ZNF823: variants seen among roughly 807,000 people sequenced by gnomAD.
The protein encoded by ZNF823 is ZFP 36 for a zinc finger protein.
In ZNF823, 5 loss-of-function variants were observed where a neutral mutation model predicts 11.4. The ratio of observed to expected loss-of-function variants is 0.44; its 90% CI spans 0.23 to 0.92. The LOEUF (loss-of-function observed/expected upper bound fraction) is 0.92, where lower values mean the gene tolerates loss of function less well. ZNF823 is among the 40% of genes least tolerant of loss of function. The pLI, the probability that ZNF823 is intolerant of heterozygous loss-of-function variation, is 0.24. For missense variants in ZNF823, 582 were observed against 738.5 expected (o/e 0.79, Z 2.46); for synonymous variants, 234 against 250.5 (o/e 0.93, Z 0.62).
rs199559097 is a variant in ZNF823 at position 11,736,912 on chromosome 19, GAAGAA to G, written c.3+1900_3+1904del. ...CCCAGGGAATGGAAACTGGGGTGGG[GAAGAA>G]AAGCTGAATGTCTTAAGGGCTTTGC... On this transcript the variant is annotated intron_variant, in intron 1 of 3. Coordinates refer to ENST00000341191, the MANE Select transcript of ZNF823 (RefSeq NM_001080493.4). Among the ~76,000 whole-genome samples the G allele has an allele frequency of 5.6e-3, 849 of 152,338 alleles. 13 individuals carry two copies. The highest frequency in any genetic ancestry group is 0.019 in the African/African-American group (793 of 41,574).
In ZNF823 at chr19:11,722,819, C is replaced by G; in HGVS notation, c.715G>C (p.Glu239Gln). 6.2e-7 allele frequency: 1 copy of G among 1,614,004 alleles called. No individual in the cohort carries two copies. Among genetic ancestry groups the G allele is most frequent in the East Asian group, 2.2e-5 (1 of 44,856 alleles). Reference protein sequence around the residue: ...FPFYSSYLRHERIHTGEKAYE... With the variant: ...FPFYSSYLRHQRIHTGEKAYE... ...GCTTTCTCTCCCGTGTGGATTCTTT[C>G]ATGTCTTAGATAGGAACTGTAAAAA... is the stretch of plus-strand genomic sequence containing the variant. Residue 239 changes from glutamate (E) to glutamine (Q), a missense_variant, in exon 4 of 4, where the codon GAA (glutamate) becomes CAA (glutamine). By Grantham distance (29) the Glu-to-Gln change is conservative. Coordinates refer to ENST00000341191, the MANE Select transcript of ZNF823 (RefSeq NM_001080493.4). The surrounding 1 kb of genome is among the most constrained non-coding windows in gnomAD (Gnocchi z 5.2).
At chr19:11,731,878 G>A (rs1599707422) in intron 1 of ZNF823, among the ~76,000 whole-genome samples, 1 of 151,920 alleles carries the variant, frequency 6.6e-6, no homozygotes, top group African/African-American at 2.4e-5. Context: ...GCATGGTGGC[G>A]CATGCCTGTA....
chr19:11,728,932 G>A (rs948181770), intron 1 of ZNF823, among the ~76,000 whole-genome samples: 1 of 152,170 alleles, frequency 6.6e-6, no homozygotes, highest in African/African-American at 2.4e-5. Context: ...CAGCATTTTG[G>A]AATGCTGAGG....
rs565590217 is a variant in ZNF823 at position 11,723,681 on chromosome 19, G to T, written c.192-339C>A. Among the ~76,000 whole-genome samples, 12 of 152,308 alleles carry T rather than the reference G, an allele frequency of 7.9e-5. No homozygotes were observed. The South Asian group carries it at 2.5e-3, about 32-fold the overall frequency. On this transcript the variant is annotated intron_variant, in intron 3 of 3. Transcript: ENST00000341191. ...CTGCCTCAGCCTCCCAAGTAGCTGGGATTACAGGCATGCGCCACCACGCCC... is the reference window on the plus strand; with the variant it reads ...CTGCCTCAGCCTCCCAAGTAGCTGGTATTACAGGCATGCGCCACCACGCCC...
chr19:11,727,545 AAAAG>A (rs1182791894), intron 1 of ZNF823, among the ~76,000 whole-genome samples: 1 of 152,066 alleles, frequency 6.6e-6, no homozygotes, highest in Non-Finnish European at 1.5e-5. Context: ...TAACAACAAA[AAAAG>A]AAACCGCCCA....
chr19:11,738,451 C>T (rs1368682801), intron 1 of ZNF823, among the ~76,000 whole-genome samples: 2 of 152,258 alleles, frequency 1.3e-5, no homozygotes, highest in Non-Finnish European at 2.9e-5. Context: ...TCCCCTCTCC[C>T]CCATTAAACT....
intron 1 of ZNF823, among the ~76,000 whole-genome samples, chr19:11,732,169 C>CTTTTTTTTTTTTTTTTTT (rs1170787951): frequency 7.4e-6 from 1 of 135,580 alleles, no homozygotes; most frequent in Non-Finnish European, 1.6e-5. Context: ...AAAGGTTTCC[C>CTTTTTTTTTTTTTTTTTT]TTTTTTTTTT....
rs530309473 is a variant in ZNF823, at chr19:11,723,758, T to C, written c.192-416A>G. Among the ~76,000 whole-genome samples, 20 of 152,312 alleles carry C rather than the reference T, an allele frequency of 1.3e-4. No homozygotes were observed. In the East Asian group the frequency reaches 3.9e-3, roughly 29 times the overall value. On this transcript the variant is annotated intron_variant, in intron 3 of 3. Coordinates refer to ENST00000341191, the MANE Select transcript of ZNF823 (RefSeq NM_001080493.4). Reference sequence around the variant, plus strand: ...CAGGGTTTCTCCATGTTGGCCAGGCTGGTCTTGAACTCCCGACCTCAGGTG... The same window carrying C: ...CAGGGTTTCTCCATGTTGGCCAGGCCGGTCTTGAACTCCCGACCTCAGGTG...
chr19:11,734,757 T>C (rs546115426), intron 1 of ZNF823, among the ~76,000 whole-genome samples: 15 of 152,224 alleles, frequency 9.9e-5, no homozygotes, highest in African/African-American at 3.1e-4. Flanking sequence ...CAGGCTGGTC[T>C]TGAACTCTTG....
rs749020713 is a variant in ZNF823 at position 11,722,234 on chromosome 19, G to A, written c.1300C>T (p.His434Tyr). Residue 434 changes from histidine to tyrosine, a missense_variant, in exon 4 of 4, where the codon CAT becomes TAT. Physicochemically the swap from His to Tyr is moderately conservative, Grantham distance 83. This residue lies in a region of ZNF823 where 429 missense variants were observed against 553.7 expected (regional missense o/e 0.77). Coordinates refer to ENST00000341191, the MANE Select transcript of ZNF823 (RefSeq NM_001080493.4). The surrounding 1 kb of genome is among the most constrained non-coding windows in gnomAD (Gnocchi z 5.2). Reference sequence around the variant, plus strand: ...TTCACTCCAGTGTGAGTTGCTTCATGTCTTCGAAGGGAACCGGCAAGACTG... The same window carrying A: ...TTCACTCCAGTGTGAGTTGCTTCATATCTTCGAAGGGAACCGGCAAGACTG... ...AFSLAGSLRR[H>Y]EATHTGVKPY... 2 of 1,614,072 alleles carry A rather than the reference G, an allele frequency of 1.2e-6. No individual in the cohort carries two copies. Among genetic ancestry groups the A allele is most frequent in the South Asian group, 2.2e-5 (2 of 91,084 alleles).
intron 1 of ZNF823, chr19:11,725,821 A>G (rs1426041827): frequency 6.4e-6 from 1 of 156,170 alleles, no homozygotes; most frequent in African/African-American, 2.4e-5. Flanking sequence ...GGGGCCAGGC[A>G]TGGTGACTTA....
At chr19:11,724,387 G>T in intron 2 of ZNF823, 133 bp from the exon 3 acceptor site, 1 of 739,652 alleles carries the variant, frequency 1.4e-6, no homozygotes, top group Non-Finnish European at 2.1e-6. Context: ...ACACAGGTTT[G>T]AACTGCACAG....
intron 1 of ZNF823, among the ~76,000 whole-genome samples, chr19:11,726,561 C>T (rs1315892885): frequency 6.6e-6 from 1 of 151,782 alleles, no homozygotes; most frequent in Non-Finnish European, 1.5e-5. Context: ...AGGAGTAGGC[C>T]TAGTGTCCTT....
intron 1 of ZNF823, among the ~76,000 whole-genome samples, chr19:11,736,781 T>C (rs1369916257): frequency 6.6e-6 from 1 of 152,162 alleles, no homozygotes; most frequent in African/African-American, 2.4e-5. Flanking sequence ...TCTTATCACT[T>C]GGGACATCTC....
intron 1 of ZNF823, among the ~76,000 whole-genome samples, chr19:11,731,788 T>C (rs1974899250): frequency 6.6e-6 from 1 of 152,124 alleles, no homozygotes; most frequent in Non-Finnish European, 1.5e-5. Context: ...GGCAGGTGGA[T>C]CACCTGAGGT....
chr19:11,733,545 A>C (rs1345848249), intron 1 of ZNF823, among the ~76,000 whole-genome samples: 1 of 151,862 alleles, frequency 6.6e-6, no homozygotes, highest in Non-Finnish European at 1.5e-5. Context: ...CAAAAAATAC[A>C]AAAATTGGCT....
rs751132304 is a variant in ZNF823, at chr19:11,722,287, T to C, written c.1247A>G (p.Tyr416Cys). The change falls in exon 4 of 4, where the codon TAT (tyrosine) becomes TGT (cysteine). Residue 416 changes from tyrosine (Y) to cysteine (C), a missense_variant. Physicochemically the swap from Tyr to Cys is radical, Grantham distance 194. This residue lies in a region of ZNF823 where 429 missense variants were observed against 553.7 expected (regional missense o/e 0.77). Transcript: ENST00000341191. The surrounding 1 kb of genome is among the most constrained non-coding windows in gnomAD (Gnocchi z 5.2). Reference protein sequence around the residue: ...HERTHTGEKPYQCKQCGKAFS... With the variant: ...HERTHTGEKPCQCKQCGKAFS... ...GGCTTTACCACATTGTTTACATTGA[T>C]AGGGTTTCTCTCCAGTGTGAGTCCT... The C allele has an allele frequency of 1.2e-5, 19 of 1,614,188 alleles. No individual in the cohort carries two copies. The highest frequency in any genetic ancestry group is 6.7e-5 in the Admixed American group (4 of 60,024).
chr19:11,737,403 A>G (rs1429136925), intron 1 of ZNF823, among the ~76,000 whole-genome samples: 1 of 152,070 alleles, frequency 6.6e-6, no homozygotes, highest in Non-Finnish European at 1.5e-5. Context: ...AGCTGGGATT[A>G]CAGGCATGAG....
At chr19:11,724,684 G>A (rs530935333) in intron 2 of ZNF823, among the ~76,000 whole-genome samples, 9 of 149,222 alleles carry the variant, frequency 6.0e-5, no homozygotes, top group South Asian at 2.2e-4. Context: ...TCAGCCTCCC[G>A]AGTAGCTGGG....
Sources: gnomAD v4.1 joint callset for allele counts (sites outside exome capture counted in the v4.1 genomes callset) on GRCh38, gnomAD v4.1.1 for gene constraint, gnomAD v4.1.1 regional missense constraint, Gnocchi (gnomAD v3.1) non-coding constraint, MANE v1.5 for transcripts, NCBI Gene and HGNC (gene_info 2026-07-23, HGNC 2026-07-21) for gene names.